EVA1A: variants seen among roughly 807,000 people sequenced by gnomAD.
EVA1A encodes protein eva-1 homolog A.
A neutral mutation model predicts 9.8 loss-of-function variants in EVA1A; 7 were observed. The ratio of observed to expected loss-of-function variants is 0.71; its 90% CI spans 0.41 to 1.34. The LOEUF is 1.34. EVA1A is among the 40% of genes most tolerant of loss of function. EVA1A has a pLI of 0.01. For synonymous variants in EVA1A, 90 were observed against 85.6 expected, an observed-to-expected ratio of 1.05 and a Z score of -0.28; for missense variants, 206 against 205.9, an observed-to-expected ratio of 1.00 and a Z score of 0.00.
intron 3 of EVA1A, among the ~76,000 whole-genome samples, chr2:75,505,583 C>T (rs1674588035): frequency 1.3e-5 from 2 of 152,196 alleles, no homozygotes; most frequent in South Asian, 2.1e-4. Flanking sequence ...GAGGCTGAGG[C>T]AGGTGAATCA....
chr2:75,558,084 T>C (rs963435936), intron 1 of EVA1A, among the ~76,000 whole-genome samples: 12 of 152,368 alleles, frequency 7.9e-5, no homozygotes, highest in African/African-American at 2.9e-4. Flanking sequence ...AGCCTCTCTG[T>C]GCCTCTGTTT....
At chr2:75,545,860 CA>C (rs767450042) in intron 1 of EVA1A, among the ~76,000 whole-genome samples, 3 of 152,012 alleles carry the variant, frequency 2.0e-5, no homozygotes, top group Non-Finnish European at 4.4e-5. Flanking sequence ...AGGAAGGGGT[CA>C]TAGCTTCCTG....
At position 75,522,840 on chromosome 2, in the gene EVA1A, C is replaced by T. The variant is rs924947428; in HGVS notation, c.-191-353G>A. Among the ~76,000 whole-genome samples, 5 of 152,362 alleles carry T rather than the reference C, an allele frequency of 3.3e-5. No individual in the cohort carries two copies. In the South Asian group the frequency reaches 8.3e-4, roughly 25 times the overall value. ...TCATCAGTGAAGTTTGCAGGCCAGC[C>T]TCTCTGGAACAGGAAGGGAGGGAAT... On this transcript the variant is annotated intron_variant, in intron 1 of 3. Transcript: ENST00000393913.
rs766014396 is a variant in EVA1A, at chr2:75,518,167, G to C, written c.-27C>G. 12 of 1,608,568 alleles carry C rather than the reference G, an allele frequency of 7.5e-6. No homozygotes were observed. Among genetic ancestry groups the C allele is most frequent in the Middle Eastern group, 1.7e-4 (1 of 6,052 alleles). ...GGACATCCAGAGGGGACCTCCTGGA[G>C]GTGCTTGGCTGAATCAACGTGGCCA... On this transcript the variant is annotated 5_prime_UTR_variant, in exon 3 of 4. Coordinates refer to ENST00000393913, the MANE Select transcript of EVA1A (RefSeq NM_001135032.2).
chr2:75,530,425 C>T (rs1182885093), intron 1 of EVA1A, among the ~76,000 whole-genome samples: 1 of 152,034 alleles, frequency 6.6e-6, no homozygotes, highest in African/African-American at 2.4e-5. Context: ...AGCCTAATAC[C>T]AAAACCAGGA....
chr2:75,538,066 G>T (rs545077177), intron 1 of EVA1A, among the ~76,000 whole-genome samples: 113 of 152,290 alleles, frequency 7.4e-4, no homozygotes, highest in African/African-American at 2.5e-3. Flanking sequence ...GAGGCAGGTG[G>T]ATCACCTAAG....
chr2:75,512,350 A>G (rs773423848), intron 3 of EVA1A, among the ~76,000 whole-genome samples: 31 of 152,152 alleles, frequency 2.0e-4, no homozygotes, highest in Non-Finnish European at 3.2e-4. Flanking sequence ...GAAATAAAAC[A>G]TATGTGGGAG....
intron 3 of EVA1A, among the ~76,000 whole-genome samples, chr2:75,515,909 G>A (rs1307372555): frequency 6.6e-6 from 1 of 152,130 alleles, no homozygotes; most frequent in African/African-American, 2.4e-5. Context: ...ACAAGAAAGT[G>A]AGCAGGATTT....
At chr2:75,547,784 C>T (rs1232065313) in intron 1 of EVA1A, among the ~76,000 whole-genome samples, 1 of 152,222 alleles carries the variant, frequency 6.6e-6, no homozygotes, top group African/African-American at 2.4e-5. Flanking sequence ...ATTCAGCATT[C>T]ACAGAGTCAC....
intron 1 of EVA1A, among the ~76,000 whole-genome samples, chr2:75,530,277 A>G (rs1675597511): frequency 6.6e-6 from 1 of 152,220 alleles, no homozygotes; most frequent in South Asian, 2.1e-4. Context: ...CAATAAAAAA[A>G]AAAATCCAGG....
intron 3 of EVA1A, among the ~76,000 whole-genome samples, chr2:75,509,950 A>G (rs2103818189): frequency 6.6e-6 from 1 of 152,244 alleles, no homozygotes. Flanking sequence ...GGTTTGAAAT[A>G]TAGATTAAAC....
chr2:75,567,511 G>A (rs1573000762), intron 1 of EVA1A, among the ~76,000 whole-genome samples: 1 of 152,150 alleles, frequency 6.6e-6, no homozygotes, highest in Non-Finnish European at 1.5e-5. Flanking sequence ...AAAGATAAAT[G>A]GGCAAAACAC....
chr2:75,527,008 C>G (rs1310288637), intron 1 of EVA1A, among the ~76,000 whole-genome samples: 6 of 152,152 alleles, frequency 3.9e-5, no homozygotes. Flanking sequence ...AAGAAGCCAG[C>G]AATCCAGAAA....
At position 75,492,686 on chromosome 2, in the gene EVA1A, T is replaced by C. The variant is rs1160297650; in HGVS notation, c.*550A>G. 6.5e-6 allele frequency: 1 copy of C among 153,016 alleles called. No individual in the cohort carries two copies. Among genetic ancestry groups the C allele is most frequent in the African/African-American group, 2.4e-5 (1 of 41,470 alleles). 9.5% of individuals were successfully genotyped at this position (153,016 alleles called of 1,614,324 possible). On this transcript the variant is annotated 3_prime_UTR_variant, in exon 4 of 4. Coordinates refer to ENST00000393913, the MANE Select transcript of EVA1A (RefSeq NM_001135032.2). ...GTGGGAACTACACTAAAAAGTAGGA[T>C]TTTAATCCCTGAGGTGCCAGTTAAA...
intron 3 of EVA1A, among the ~76,000 whole-genome samples, chr2:75,498,722 A>G (rs1037404494): frequency 2.0e-5 from 3 of 152,120 alleles, no homozygotes; most frequent in African/African-American, 7.2e-5. Flanking sequence ...AGTGAACTAC[A>G]TGTTGTCAAT....
chr2:75,507,600 C>T (rs1481904403), intron 3 of EVA1A, among the ~76,000 whole-genome samples: 1 of 152,156 alleles, frequency 6.6e-6, no homozygotes, highest in Non-Finnish European at 1.5e-5. Context: ...CTCAAAGGCA[C>T]CAGCCCAGAT....
intron 3 of EVA1A, among the ~76,000 whole-genome samples, chr2:75,495,498 T>C (rs552581664): frequency 1.3e-5 from 2 of 152,334 alleles, no homozygotes; most frequent in East Asian, 3.9e-4. Context: ...CTCACAAAGG[T>C]AATGGCATTA....
chr2:75,501,856 C>T (rs1674436665), intron 3 of EVA1A, among the ~76,000 whole-genome samples: 1 of 152,136 alleles, frequency 6.6e-6, no homozygotes, highest in Admixed American at 6.5e-5. Context: ...AAGTCTTGTC[C>T]TCTGTCTCCT....
intron 1 of EVA1A, among the ~76,000 whole-genome samples, chr2:75,550,383 C>T (rs1676479824): frequency 6.6e-6 from 1 of 152,200 alleles, no homozygotes; most frequent in Non-Finnish European, 1.5e-5. Flanking sequence ...GCTGGTGTCT[C>T]CTCCCCATAA....
Sources: allele counts gnomAD v4.1 joint callset (sites outside exome capture counted in the v4.1 genomes callset), GRCh38; gene constraint gnomAD v4.1.1; transcripts MANE v1.5; gene names NCBI Gene and HGNC (gene_info 2026-07-23, HGNC 2026-07-21).